The following FGF13 variants were observed in gnomAD, a reference collection of about 807,000 sequenced individuals.
FGF13 encodes the protein fibroblast growth factor 13.
A neutral mutation model predicts 19.5 loss-of-function variants in FGF13; 2 were observed. The observed-to-expected ratio is 0.10, with a 90% CI of 0.04 to 0.32. The LOEUF is 0.32. Among genes scored for constraint, FGF13 ranks in the 10% least tolerant of loss-of-function variants. The pLI is 1.00. For synonymous variants in FGF13, 72 were observed against 76.9 expected, an observed-to-expected ratio of 0.94 and a Z score of 0.33; for missense variants, 113 against 192.7, an observed-to-expected ratio of 0.59 and a Z score of 2.45.
At chrX:139,019,015 C>G (rs933200194) in intron 1 of FGF13, among the ~76,000 whole-genome samples, 7 of 111,376 alleles carry the variant, frequency 6.3e-5, no homozygotes, top group African/African-American at 2.3e-4. Context: ...AACCACTGAT[C>G]TATTTTCTGT....
chrX:138,890,672 G>C (rs755632370), intron 1 of FGF13, among the ~76,000 whole-genome samples: 1 of 111,853 alleles, frequency 8.9e-6, no homozygotes, highest in East Asian at 2.8e-4. Context: ...GTCTGGTGTT[G>C]AAATACACCA....
chrX:139,079,982 A>G (rs946186695), intron 1 of FGF13, among the ~76,000 whole-genome samples: 3 of 94,691 alleles, frequency 3.2e-5, no homozygotes, highest in Non-Finnish European at 6.0e-5. Context: ...CATCACCGTC[A>G]TCATCACCAT....
intron 1 of FGF13, among the ~76,000 whole-genome samples, chrX:139,020,251 C>G (rs1369790587): frequency 9.0e-6 from 1 of 111,663 alleles, no homozygotes; most frequent in African/African-American, 3.3e-5. Flanking sequence ...TCCTTCCCTT[C>G]TTCACAGACA....
rs771539795 is a variant in FGF13, at chrX:138,631,192, A to T, written c.*1658T>A. 2 of 111,133 alleles carry T rather than the reference A, an allele frequency of 1.8e-5. No homozygotes were observed. Among genetic ancestry groups the T allele is most frequent in the East Asian group, 2.8e-4 (1 of 3,566 alleles). 9.2% of individuals were successfully genotyped at this position (111,133 alleles called of 1,213,427 possible). A position where few individuals can be genotyped will look rare whatever the true frequency, so the allele number is the denominator to read the frequency against. On this transcript the variant is annotated 3_prime_UTR_variant, in exon 5 of 5. Transcript: ENST00000315930. ...AGCTAGAGAAAAGTCATCAACATTT[A>T]AAAAAATTTACATTTTCCTTCAGTT... is the stretch of plus-strand genomic sequence containing the variant.
At chrX:139,162,660 T>C (rs1351139887) in intron 1 of FGF13, among the ~76,000 whole-genome samples, 1 of 111,632 alleles carries the variant, frequency 9.0e-6, no homozygotes, top group Non-Finnish European at 1.9e-5. Flanking sequence ...AGAGCTAACA[T>C]CCAGAATCTA....
chrX:138,814,429 T>G (rs1057156897), intron 3 of FGF13, among the ~76,000 whole-genome samples: 1 of 110,132 alleles, frequency 9.1e-6, no homozygotes, highest in African/African-American at 3.3e-5. Flanking sequence ...ACCTATGGAA[T>G]GGAAAAAAAA....
At chrX:138,734,302 C>T (rs1046157902) in intron 1 of FGF13, among the ~76,000 whole-genome samples, 4 of 111,654 alleles carry the variant, frequency 3.6e-5, no homozygotes, top group African/African-American at 1.3e-4. Context: ...TGGTATTCTA[C>T]TGTATAGCAG....
At chrX:138,962,609 T>C (rs1174813114) in intron 1 of FGF13, among the ~76,000 whole-genome samples, 17 of 112,091 alleles carry the variant, frequency 1.5e-4, no homozygotes, top group Non-Finnish European at 3.0e-4. Flanking sequence ...TGTCCAACAA[T>C]GATAGACTGG....
At chrX:138,789,529 T>C (rs766274996) in intron 3 of FGF13, among the ~76,000 whole-genome samples, 1 of 110,763 alleles carries the variant, frequency 9.0e-6, no homozygotes, top group African/African-American at 3.3e-5. Flanking sequence ...GTCTACAGTG[T>C]TCTTCTTTCC....
chrX:138,745,579 A>C (rs1280229908), intron 3 of FGF13, among the ~76,000 whole-genome samples: 1 of 112,356 alleles, frequency 8.9e-6, no homozygotes, highest in African/African-American at 3.2e-5. Flanking sequence ...CCAGGTTAGC[A>C]TCTCGCGACA....
At chrX:138,958,502 C>T (rs138113459) in intron 1 of FGF13, among the ~76,000 whole-genome samples, 9,502 of 111,072 alleles carry the variant, frequency 0.086, 439 homozygotes, top group East Asian at 0.18. Context: ...TGTGTCTCTG[C>T]CAGGCTTTGG....
intron 1 of FGF13, among the ~76,000 whole-genome samples, chrX:138,940,488 G>A (rs2091752522): frequency 9.0e-6 from 1 of 111,447 alleles, no homozygotes; most frequent in Non-Finnish European, 1.9e-5. Flanking sequence ...TGGGGTGTTC[G>A]TCATGAAATC....
In FGF13 at chrX:138,631,328, C is replaced by A. The variant is rs1341745114; in HGVS notation, c.*1522G>T. On this transcript the variant is annotated 3_prime_UTR_variant, in exon 5 of 5. Coordinates refer to ENST00000315930, the MANE Select transcript of FGF13 (RefSeq NM_004114.5). ...GTGAGTGGCAGAGAAAATACTAGCA[C>A]AAACGCCTCATTTGTATAATTTGAC... 1.8e-5 allele frequency: 2 copies of A among 112,160 alleles called. No individual in the cohort carries two copies. Among genetic ancestry groups the A allele is most frequent in the African/African-American group, 6.5e-5 (2 of 30,882 alleles). The allele number at this position is 112,160 out of a possible 1,213,427, so 9.2% of individuals were successfully genotyped here.
chrX:138,815,392 C>A (rs1430676788), intron 3 of FGF13, among the ~76,000 whole-genome samples: 1 of 110,611 alleles, frequency 9.0e-6, no homozygotes, highest in Non-Finnish European at 1.9e-5. Flanking sequence ...TTGACGTAAT[C>A]ATTTCACAAT....
intron 3 of FGF13, among the ~76,000 whole-genome samples, chrX:138,822,378 T>A (rs1273213129): frequency 1.8e-5 from 2 of 111,911 alleles, no homozygotes; most frequent in Non-Finnish European, 3.8e-5. Flanking sequence ...AAAAGCTACC[T>A]GGGTTCACTG....
chrX:138,664,536 T>C (rs1417258324), intron 3 of FGF13, among the ~76,000 whole-genome samples: 1 of 105,778 alleles, frequency 9.5e-6, no homozygotes, highest in Non-Finnish European at 1.9e-5. Context: ...CTCATTGATC[T>C]TCAAACACTA....
At chrX:138,974,266 G>A (rs983152985) in intron 1 of FGF13, among the ~76,000 whole-genome samples, 3 of 111,594 alleles carry the variant, frequency 2.7e-5, no homozygotes, top group Admixed American at 1.9e-4. Context: ...GCAAATTTGG[G>A]GAAAATAAAG....
rs185878015 is a variant in FGF13, at chrX:138,952,271, C to A, written c.-112-87621G>T. On this transcript the variant is annotated intron_variant, in intron 1 of 2. Transcript: ENST00000421460. ...CAGAACAGAGCCCTCAGAAATAATG[C>A]CACATATCTACAACCATCTGATCTT... 3.5e-3 allele frequency among the ~76,000 whole-genome samples: 384 copies of A among 111,179 alleles called. 2 individuals are homozygous for A. Among genetic ancestry groups the A allele is most frequent in the African/African-American group, 0.012 (366 of 30,575 alleles).
intron 1 of FGF13, among the ~76,000 whole-genome samples, chrX:138,899,962 G>A (rs763601173): frequency 6.3e-5 from 7 of 111,076 alleles, no homozygotes; most frequent in Middle Eastern, 4.7e-3. Flanking sequence ...GTGTCTATGC[G>A]TGTGAGTATA....
Sources: gnomAD v4.1 joint callset for allele counts (sites outside exome capture counted in the v4.1 genomes callset) on GRCh38, gnomAD v4.1.1 for gene constraint, MANE v1.5 for transcripts, NCBI Gene and HGNC (gene_info 2026-07-23, HGNC 2026-07-21) for gene names.